GRIK2: variants seen among roughly 807,000 people sequenced by gnomAD.
GRIK2 encodes glutamate receptor ionotropic, kainate 2.
In GRIK2, 32 loss-of-function variants were observed where a neutral mutation model predicts 100.3. That is an observed-to-expected ratio of 0.32 (90% confidence interval 0.24 to 0.43). GRIK2 has a LOEUF of 0.43. GRIK2 is among the 20% of genes least tolerant of loss of function. The probability of loss-of-function intolerance (pLI) is 1.00; values close to 1 mark genes in which losing one functional copy is unlikely to be tolerated. For missense variants in GRIK2, 843 were observed against 1,114.9 expected (o/e 0.76, Z 3.47); for synonymous variants, 417 against 389.4 (o/e 1.07, Z -0.83).
intron 3 of GRIK2, among the ~76,000 whole-genome samples, chr6:101,624,735 G>C (rs1342159670): frequency 6.6e-6 from 1 of 151,840 alleles, no homozygotes; most frequent in African/African-American, 2.4e-5. Context: ...TTTCAACATG[G>C]TTTACTTTTT....
chr6:101,695,042 TATC>T lies in GRIK2; in HGVS notation c.951+8692_951+8694del, dbSNP rs1300363740. Among the ~76,000 whole-genome samples the T allele has an allele frequency of 4.0e-5, 6 of 151,454 alleles. No homozygotes were observed. In the South Asian group the frequency reaches 8.3e-4, roughly 21 times the overall value. ...TTCTTATTTATATCTAAATTCATAT[TATC>T]ATATTATCTTAGGTAATATCTTAAT... On this transcript the variant is annotated intron_variant, in intron 7 of 16. Coordinates refer to ENST00000369134, the MANE Select transcript of GRIK2 (RefSeq NM_021956.5).
At chr6:101,674,067 T>C (rs1258268713) in intron 4 of GRIK2, among the ~76,000 whole-genome samples, 3 of 152,220 alleles carry the variant, frequency 2.0e-5, no homozygotes, top group Non-Finnish European at 4.4e-5. Flanking sequence ...CTTTATGAAG[T>C]TGAGAATCTT....
At chr6:102,032,064 CA>C (rs1419272616) in intron 14 of GRIK2, among the ~76,000 whole-genome samples, 2 of 151,148 alleles carry the variant, frequency 1.3e-5, no homozygotes, top group Non-Finnish European at 3.0e-5. Flanking sequence ...GGATTATGAC[CA>C]TATGTGTTTG....
chr6:101,686,447 A>T (rs1051624364), intron 7 of GRIK2, 94 bp downstream of exon 7: 4 of 874,736 alleles, frequency 4.6e-6, no homozygotes, highest in Admixed American at 4.9e-5. Context: ...TATAAACTTC[A>T]GTTTAATTGT....
At chr6:101,552,068 G>T (rs960475009) in intron 2 of GRIK2, among the ~76,000 whole-genome samples, 2 of 152,086 alleles carry the variant, frequency 1.3e-5, no homozygotes, top group African/African-American at 4.8e-5. Context: ...ATGGGTGGAT[G>T]CATGTGTAGT....
At chr6:101,551,488 T>C (rs1180339822) in intron 2 of GRIK2, among the ~76,000 whole-genome samples, 2 of 152,152 alleles carry the variant, frequency 1.3e-5, no homozygotes, top group Admixed American at 1.3e-4. Context: ...GCAGGACATT[T>C]ATGGTCTAAA....
chr6:101,423,947 A>C (rs1776549045), intron 2 of GRIK2, among the ~76,000 whole-genome samples: 1 of 152,190 alleles, frequency 6.6e-6, no homozygotes. Flanking sequence ...GAAAAAAGAA[A>C]TTATATGGAA....
intron 2 of GRIK2, among the ~76,000 whole-genome samples, chr6:101,483,111 C>CT (rs370667969): frequency 6.6e-6 from 1 of 151,908 alleles, no homozygotes; most frequent in Non-Finnish European, 1.5e-5. Context: ...GGCAGTCTTA[C>CT]TTTTTTTTAA....
At chr6:101,725,839 C>T (rs1347357052) in intron 7 of GRIK2, among the ~76,000 whole-genome samples, 1 of 151,850 alleles carries the variant, frequency 6.6e-6, no homozygotes, top group East Asian at 1.9e-4. Flanking sequence ...TTGTGTTCAC[C>T]TGAATGTTTG....
At chr6:101,955,370 G>A (rs938267027) in intron 14 of GRIK2, among the ~76,000 whole-genome samples, 1 of 152,120 alleles carries the variant, frequency 6.6e-6, no homozygotes, top group African/African-American at 2.4e-5. Context: ...TATATATCCA[G>A]CCTGGGCACA....
intron 3 of GRIK2, among the ~76,000 whole-genome samples, chr6:101,624,919 G>T (rs766754516): frequency 6.6e-5 from 10 of 151,906 alleles, no homozygotes; most frequent in Non-Finnish European, 1.2e-4. Context: ...GTTTCTTTTT[G>T]TTTGTTTGTT....
chr6:101,876,021 G>T (rs1333834164), intron 11 of GRIK2, among the ~76,000 whole-genome samples: 2 of 151,638 alleles, frequency 1.3e-5, no homozygotes, highest in African/African-American at 4.8e-5. Context: ...GTGTGTGTGT[G>T]TGTGTGTGTG....
chr6:101,775,533 GTATATATATGTGTGTGAGA>G (rs1778685611), intron 7 of GRIK2, among the ~76,000 whole-genome samples: 2 of 2,574 alleles, frequency 7.8e-4, no homozygotes, highest in Non-Finnish European at 1.4e-3. Flanking sequence ...GTATATATAT[GTATATATATGTGTGTGAGA>G]TATATATATA....
chr6:101,694,175 C>G (rs1345387578), intron 7 of GRIK2, among the ~76,000 whole-genome samples: 6 of 152,048 alleles, frequency 3.9e-5, no homozygotes, highest in Non-Finnish European at 7.3e-5. Flanking sequence ...TGAATGTGAC[C>G]TTGAAAAACA....
intron 2 of GRIK2, among the ~76,000 whole-genome samples, chr6:101,611,346 A>C (rs1370692850): frequency 5.3e-5 from 8 of 151,800 alleles, no homozygotes; most frequent in Non-Finnish European, 7.4e-5. Flanking sequence ...AATGCCCAGG[A>C]CAAGTCTGAG....
At chr6:101,459,783 T>TTC (rs2074228130) in intron 2 of GRIK2, among the ~76,000 whole-genome samples, 2 of 151,676 alleles carry the variant, frequency 1.3e-5, no homozygotes, top group South Asian at 4.2e-4. Flanking sequence ...TCTCTTGCTT[T>TTC]TTTTTTTTTT....
chr6:102,021,784 A>G (rs1363334958), intron 14 of GRIK2, among the ~76,000 whole-genome samples: 1 of 151,410 alleles, frequency 6.6e-6, no homozygotes. Flanking sequence ...AAGAAGGTTG[A>G]ATTATAATTA....
chr6:101,630,109 C>T (rs1028395447), intron 4 of GRIK2, among the ~76,000 whole-genome samples: 1 of 152,080 alleles, frequency 6.6e-6, no homozygotes, highest in African/African-American at 2.4e-5. Context: ...TTTATTCAAT[C>T]CACAATTGAT....
At chr6:101,738,958 G>A (rs893432012) in intron 7 of GRIK2, among the ~76,000 whole-genome samples, 2 of 152,174 alleles carry the variant, frequency 1.3e-5, no homozygotes, top group Non-Finnish European at 2.9e-5. Context: ...GGGTTCTAAA[G>A]CTTTCTCAAG....
Sources: gnomAD v4.1 joint callset for allele counts (sites outside exome capture counted in the v4.1 genomes callset) on GRCh38, gnomAD v4.1.1 for gene constraint, MANE v1.5 for transcripts, NCBI Gene and HGNC (gene_info 2026-07-23, HGNC 2026-07-21) for gene names.